Variants in TRDN observed in about 807,000 individuals in gnomAD.
TRDN encodes the protein triadin, also known as triadin in skeletal muscle.
In TRDN, 161 loss-of-function variants were observed where a neutral mutation model predicts 149.7. The ratio of observed to expected loss-of-function variants is 1.08; its 90% CI spans 0.95 to 1.23. The LOEUF (loss-of-function observed/expected upper bound fraction) is 1.23. Among genes scored for constraint, TRDN ranks in the 50% most tolerant of loss-of-function variants. The pLI is 0.00. For synonymous variants in TRDN, 294 were observed against 250.5 expected (o/e 1.17, Z -1.64); for missense variants, 896 against 823.5 (o/e 1.09, Z -1.08).
At chr6:123,246,181 G>C (rs1776170450) in intron 38 of TRDN, among the ~76,000 whole-genome samples, 1 of 152,058 alleles carries the variant, frequency 6.6e-6, no homozygotes, top group Non-Finnish European at 1.5e-5. Context: ...AAAAGAACTA[G>C]AGAAACAAGA....
At chr6:123,630,974 C>A (rs901643528) in intron 1 of TRDN, among the ~76,000 whole-genome samples, 1 of 151,912 alleles carries the variant, frequency 6.6e-6, no homozygotes, top group Non-Finnish European at 1.5e-5. Context: ...AGTGCCTGAA[C>A]CCCAATTTCT....
At chr6:123,622,166 A>T (rs577465479) in intron 1 of TRDN, among the ~76,000 whole-genome samples, 1 of 152,170 alleles carries the variant, frequency 6.6e-6, no homozygotes, top group South Asian at 2.1e-4. Flanking sequence ...ACTCAATGTG[A>T]AGATGATGAA....
At position 123,300,161 on chromosome 6, in the gene TRDN, C is replaced by T. The variant is rs191262589; in HGVS notation, c.1510+16296G>A. On this transcript the variant is annotated intron_variant, in intron 24 of 40. Transcript: ENST00000334268. ...GATGCAGTTTAAATTTCATTACTACCACCTTCCTGAGTTAAAGTTTAGTTT... is the reference window on the plus strand; with the variant it reads ...GATGCAGTTTAAATTTCATTACTACTACCTTCCTGAGTTAAAGTTTAGTTT... 1.3e-3 allele frequency among the ~76,000 whole-genome samples: 203 copies of T among 151,986 alleles called. 1 individual carries two copies. The highest frequency in any genetic ancestry group is 4.6e-3 in the African/African-American group (189 of 41,536).
intron 24 of TRDN, among the ~76,000 whole-genome samples, chr6:123,289,828 C>A (rs1360038347): frequency 6.6e-6 from 1 of 152,064 alleles, no homozygotes; most frequent in Non-Finnish European, 1.5e-5. Context: ...CAAGAGCTAT[C>A]AACTTGGGGG....
chr6:123,236,870 T>C (rs1056145964), intron 38 of TRDN, among the ~76,000 whole-genome samples: 4 of 147,806 alleles, frequency 2.7e-5, no homozygotes, highest in South Asian at 2.1e-4. Context: ...TTAGGTAATA[T>C]GATTATTCCA....
intron 5 of TRDN, among the ~76,000 whole-genome samples, chr6:123,517,725 C>T (rs1262983977): frequency 6.6e-6 from 1 of 151,954 alleles, no homozygotes; most frequent in Non-Finnish European, 1.5e-5. Flanking sequence ...CTAGAATTAC[C>T]ACACCCACAT....
At chr6:123,622,632 G>C (rs1237203056) in intron 1 of TRDN, among the ~76,000 whole-genome samples, 2 of 152,048 alleles carry the variant, frequency 1.3e-5, no homozygotes, top group African/African-American at 2.4e-5. Flanking sequence ...ACTGAACTGA[G>C]GAGACGGCTG....
In TRDN at chr6:123,607,981, G is replaced by A. The variant is rs114423139; in HGVS notation, c.22+28773C>T. Reference sequence around the variant, plus strand: ...CTGGATTATAGGCATGAGCCTCCAAGCCCAGCCCAGACTTATACTTTCAAA... The same window carrying A: ...CTGGATTATAGGCATGAGCCTCCAAACCCAGCCCAGACTTATACTTTCAAA... On this transcript the variant is annotated intron_variant, in intron 1 of 40. Coordinates refer to ENST00000334268, the MANE Select transcript of TRDN (RefSeq NM_006073.4). 3.0e-3 allele frequency among the ~76,000 whole-genome samples: 456 copies of A among 151,726 alleles called. 5 individuals are homozygous for A. The highest frequency in any genetic ancestry group is 0.01 in the African/African-American group (428 of 41,376).
chr6:123,532,692 A>G (rs1357014041), intron 4 of TRDN, among the ~76,000 whole-genome samples: 1 of 151,768 alleles, frequency 6.6e-6, no homozygotes. Context: ...TACTGGTTCT[A>G]CTTCTCTGTT....
chr6:123,502,930 AGGGC>A, intron 8 of TRDN: 3 of 985,326 alleles, frequency 3.0e-6, no homozygotes, highest in Non-Finnish European at 3.6e-6. Context: ...ACATTCAATA[AGGGC>A]CAGAGATGTG....
intron 20 of TRDN, 24 bp downstream of exon 20, chr6:123,366,111 T>C: frequency 6.3e-7 from 1 of 1,595,424 alleles, no homozygotes; most frequent in South Asian, 1.1e-5. Context: ...AGTTATGACA[T>C]CTTTATCTTT....
intron 3 of TRDN, among the ~76,000 whole-genome samples, chr6:123,547,575 TG>T (rs1383485648): frequency 6.6e-6 from 1 of 152,014 alleles, no homozygotes; most frequent in Non-Finnish European, 1.5e-5. Flanking sequence ...TTCATTTTTA[TG>T]AATTCAATAA....
chr6:123,307,539 T>G (rs1352962336), intron 24 of TRDN, among the ~76,000 whole-genome samples: 3 of 152,026 alleles, frequency 2.0e-5, no homozygotes, highest in East Asian at 1.9e-4. Context: ...GATTGATGCA[T>G]TTTTTTAATT....
intron 10 of TRDN, among the ~76,000 whole-genome samples, chr6:123,459,884 A>T (rs1355786963): frequency 6.6e-6 from 1 of 152,198 alleles, no homozygotes; most frequent in Non-Finnish European, 1.5e-5. Flanking sequence ...GTGTTATCTT[A>T]GGCAATTTAC....
In TRDN at chr6:123,322,571, C is replaced by T. The variant is rs533405666; in HGVS notation, c.1472-6076G>A. 4.6e-5 allele frequency among the ~76,000 whole-genome samples: 7 copies of T among 150,814 alleles called. No individual in the cohort carries two copies. The East Asian group carries it at 7.8e-4, about 17-fold the overall frequency. On this transcript the variant is annotated intron_variant, in intron 23 of 40. Coordinates refer to ENST00000334268, the MANE Select transcript of TRDN (RefSeq NM_006073.4). ...TCTGCCTTATTGAAGGGAGCATTGGCGAACACTTCACTTTTCCCCTGTCCC... is the reference window on the plus strand; with the variant it reads ...TCTGCCTTATTGAAGGGAGCATTGGTGAACACTTCACTTTTCCCCTGTCCC...
At chr6:123,437,192 T>C (rs1235902988) in intron 12 of TRDN, among the ~76,000 whole-genome samples, 1 of 152,054 alleles carries the variant, frequency 6.6e-6, no homozygotes, top group Non-Finnish European at 1.5e-5. Flanking sequence ...CAATGTGGTA[T>C]TGTTATTACT....
chr6:123,408,429 A>G (rs1582981773), intron 12 of TRDN, among the ~76,000 whole-genome samples: 1 of 152,050 alleles, frequency 6.6e-6, no homozygotes, highest in African/African-American at 2.4e-5. Context: ...TGTAATCCCA[A>G]CACTTTGGGA....
chr6:123,498,695 C>A, intron 8 of TRDN: 1 of 449,818 alleles, frequency 2.2e-6, no homozygotes, highest in Non-Finnish European at 4.7e-6. Flanking sequence ...TTTCTCTTTT[C>A]TAGACATGAG....
chr6:123,461,253 T>C (rs150560982), intron 10 of TRDN, among the ~76,000 whole-genome samples: 72 of 152,266 alleles, frequency 4.7e-4, no homozygotes, highest in African/African-American at 1.5e-3. Flanking sequence ...AAAGCTGAGA[T>C]TGGGCAGGAC....
Sources: gnomAD v4.1 joint callset for allele counts (sites outside exome capture counted in the v4.1 genomes callset) on GRCh38, gnomAD v4.1.1 for gene constraint, MANE v1.5 for transcripts, NCBI Gene and HGNC (gene_info 2026-07-23, HGNC 2026-07-21) for gene names.